Variants in PARM1 observed in about 807,000 individuals in gnomAD.
The protein encoded by PARM1 is prostate androgen-regulated mucin-like protein 1, also known as WSC4, cell wall integrity and stress response component 4 homolog.
PARM1 carries 14 observed loss-of-function variants against 24.6 expected under a neutral mutation model. That is an observed-to-expected ratio of 0.57 (90% confidence interval 0.38 to 0.89). PARM1 has a LOEUF of 0.89. Ranked by LOEUF, PARM1 falls within the 40% of genes least tolerant of loss-of-function variation. The pLI is 0.00. For missense variants in PARM1, 362 were observed against 380.4 expected, an observed-to-expected ratio of 0.95 and a Z score of 0.40; for synonymous variants, 179 against 156.6, an observed-to-expected ratio of 1.14 and a Z score of -1.07.
chr4:74,959,519 A>G (rs1721718210), intron 1 of PARM1, among the ~76,000 whole-genome samples: 1 of 152,230 alleles, frequency 6.6e-6, no homozygotes, highest in Admixed American at 6.5e-5. Flanking sequence ...TAAATAATAT[A>G]ATATGCATGC....
chr4:74,987,338 TG>T (rs1375147823), intron 1 of PARM1, among the ~76,000 whole-genome samples: 3 of 151,952 alleles, frequency 2.0e-5, no homozygotes, highest in Non-Finnish European at 4.4e-5. Flanking sequence ...CTTTGTTAGC[TG>T]GGGGCATGAG....
chr4:74,962,856 T>G (rs1242802704), intron 1 of PARM1, among the ~76,000 whole-genome samples: 1 of 152,180 alleles, frequency 6.6e-6, no homozygotes, highest in Non-Finnish European at 1.5e-5. Flanking sequence ...TGCTCAGAAA[T>G]GTAAATATAC....
chr4:74,964,368 G>C (rs951071660), intron 1 of PARM1, among the ~76,000 whole-genome samples: 4 of 152,144 alleles, frequency 2.6e-5, no homozygotes, highest in Non-Finnish European at 5.9e-5. Context: ...ACACTGTCAC[G>C]TTAAGTTCCT....
rs559135840 is a variant in PARM1 at position 74,988,675 on chromosome 4, A to G, written c.44-23750A>G. 5.9e-5 allele frequency among the ~76,000 whole-genome samples: 9 copies of G among 152,324 alleles called. No individual in the cohort carries two copies. In the East Asian group the frequency reaches 7.7e-4, roughly 13 times the overall value. On this transcript the variant is annotated intron_variant, in intron 1 of 3. Coordinates refer to ENST00000307428, the MANE Select transcript of PARM1 (RefSeq NM_015393.4). ...TTAAATAAACACTTGTATGCCTACT[A>G]TGTATCAGGGGCTGTTTTAAGCATA... is the stretch of plus-strand genomic sequence containing the variant.
At chr4:74,955,674 C>A (rs1039090053) in intron 1 of PARM1, among the ~76,000 whole-genome samples, 9 of 152,172 alleles carry the variant, frequency 5.9e-5, no homozygotes, top group Non-Finnish European at 1.0e-4. Context: ...TAGCTTCCAA[C>A]ACGTCGATCA....
intron 1 of PARM1, among the ~76,000 whole-genome samples, chr4:74,968,836 TG>T (rs1238407692): frequency 5.9e-5 from 9 of 152,206 alleles, no homozygotes; most frequent in Non-Finnish European, 1.0e-4. Flanking sequence ...GCCTGAGTTT[TG>T]GAAGATGTCA....
At chr4:75,009,511 G>A (rs187126550) in intron 1 of PARM1, among the ~76,000 whole-genome samples, 2 of 152,276 alleles carry the variant, frequency 1.3e-5, no homozygotes, top group East Asian at 3.9e-4. Context: ...AATAGTTGAA[G>A]ACCTAACTAG....
chr4:74,933,857 G>A (rs1404054102), intron 1 of PARM1, among the ~76,000 whole-genome samples: 1 of 152,186 alleles, frequency 6.6e-6, no homozygotes, highest in Non-Finnish European at 1.5e-5. Context: ...GCTTTCTCGA[G>A]TCTTGGCGGT....
intron 1 of PARM1, among the ~76,000 whole-genome samples, chr4:74,981,969 C>A (rs1439787089): frequency 6.6e-6 from 1 of 150,824 alleles, no homozygotes; most frequent in African/African-American, 2.4e-5. Flanking sequence ...GAATATAAAT[C>A]ATTCTGTTAT....
intron 3 of PARM1, among the ~76,000 whole-genome samples, chr4:75,038,067 C>G (rs1723407086): frequency 6.6e-6 from 1 of 152,192 alleles, no homozygotes; most frequent in South Asian, 2.1e-4. Context: ...CAGGCACACA[C>G]CACCACACCT....
Position 74,964,553 on chromosome 4 carries a change from G to GCACACA in PARM1, c.43+31204_43+31209dup, listed in dbSNP as rs35380033. Among the ~76,000 whole-genome samples the GCACACA allele has an allele frequency of 7.9e-3, 1,139 of 143,378 alleles. 18 individuals carry two copies. Among genetic ancestry groups the GCACACA allele is most frequent in the African/African-American group, 0.028 (1,001 of 36,260 alleles). 94.1% of individuals were successfully genotyped at this position (143,378 alleles called of 152,430 possible). Reference sequence around the variant, plus strand: ...ATCAACTCCTTCCACACCTGGCAAAGCACACACACACACACACACACACAC... The same window carrying GCACACA: ...ATCAACTCCTTCCACACCTGGCAAAGCACACACACACACACACACACACACACACAC... On this transcript the variant is annotated intron_variant, in intron 1 of 3. Transcript: ENST00000307428.
intron 3 of PARM1, among the ~76,000 whole-genome samples, chr4:75,038,996 G>C (rs1279220082): frequency 6.6e-6 from 1 of 152,200 alleles, no homozygotes; most frequent in Non-Finnish European, 1.5e-5. Flanking sequence ...AAGACGTCTT[G>C]TTAGAAGTCA....
At chr4:74,974,545 A>G (rs1007766772) in intron 1 of PARM1, among the ~76,000 whole-genome samples, 1 of 152,182 alleles carries the variant, frequency 6.6e-6, no homozygotes, top group African/African-American at 2.4e-5. Flanking sequence ...GAAGTTTTCT[A>G]TTCTCTATTA....
At chr4:75,032,915 A>T (rs1406195834) in intron 2 of PARM1, among the ~76,000 whole-genome samples, 3 of 152,192 alleles carry the variant, frequency 2.0e-5, no homozygotes, top group Non-Finnish European at 4.4e-5. Context: ...AACTCACTTT[A>T]AGTATTAGGG....
chr4:74,943,932 G>A (rs553503503), intron 1 of PARM1, among the ~76,000 whole-genome samples: 8 of 152,220 alleles, frequency 5.3e-5, no homozygotes, highest in Non-Finnish European at 1.0e-4. Context: ...TAGAGACCCT[G>A]TGCTACCTTC....
chr4:74,958,574 C>T (rs17000026), intron 1 of PARM1, among the ~76,000 whole-genome samples: 6,189 of 152,120 alleles, frequency 0.041, 409 homozygotes, highest in African/African-American at 0.14. Context: ...CAAGAAAGAC[C>T]GTGAGGAATT....
intron 1 of PARM1, among the ~76,000 whole-genome samples, chr4:74,947,915 C>CA (rs1560772400): frequency 6.6e-6 from 1 of 151,924 alleles, no homozygotes; most frequent in African/African-American, 2.4e-5. Context: ...AGAGTTAGAA[C>CA]AAAAAAAGGA....
At chr4:74,984,087 C>CA (rs1722307787) in intron 1 of PARM1, among the ~76,000 whole-genome samples, 2 of 152,186 alleles carry the variant, frequency 1.3e-5, no homozygotes, top group Admixed American at 6.5e-5. Flanking sequence ...TCTTTTTCCT[C>CA]AGAGGGTGTC....
chr4:74,961,712 T>C (rs938731235), intron 1 of PARM1, among the ~76,000 whole-genome samples: 5 of 152,234 alleles, frequency 3.3e-5, no homozygotes, highest in Admixed American at 2.6e-4. Context: ...AAGAATCCTA[T>C]ATCTGTCAAA....
Sources: gnomAD v4.1 joint callset for allele counts (sites outside exome capture counted in the v4.1 genomes callset) on GRCh38, gnomAD v4.1.1 for gene constraint, MANE v1.5 for transcripts, NCBI Gene and HGNC (gene_info 2026-07-23, HGNC 2026-07-21) for gene names.